MTMR11: variants seen among roughly 807,000 people sequenced by gnomAD.
The protein encoded by MTMR11 is myotubularin-related protein 11.
Under a neutral mutation model 100.0 loss-of-function variants are expected in MTMR11, and 89 were observed. The ratio of observed to expected loss-of-function variants is 0.89; its 90% CI spans 0.75 to 1.06. The LOEUF (loss-of-function observed/expected upper bound fraction) is 1.06, where lower values mean the gene tolerates loss of function less well. MTMR11 is among the 50% of genes least tolerant of loss of function. MTMR11 has a pLI of 0.00. For missense variants in MTMR11, 809 were observed against 873.7 expected (o/e 0.93, Z 0.93); for synonymous variants, 336 against 326.3 (o/e 1.03, Z -0.32).
intron 15 of MTMR11, 186 bp downstream of exon 15, chr1:149,930,179 C>T (rs2092640023): frequency 7.2e-6 from 5 of 693,726 alleles, no homozygotes; most frequent in South Asian, 2.0e-5. Context: ...AAAAAGGGTG[C>T]CCTCTGTGCT....
Position 149,928,754 on chromosome 1 carries a change from A to G in MTMR11, c.*375T>C. 1 of 1,062,860 alleles carries G rather than the reference A, an allele frequency of 9.4e-7. No individual in the cohort carries two copies. Among genetic ancestry groups the G allele is most frequent in the Non-Finnish European group, 1.4e-6 (1 of 696,602 alleles). 65.8% of individuals were successfully genotyped at this position (1,062,860 alleles called of 1,614,324 possible). On this transcript the variant is annotated 3_prime_UTR_variant, in exon 17 of 17. Transcript: ENST00000439741. ...CTGTATCCGCCTCATTCCCATAGAA[A>G]ACTATAAGGGAAGAAATAGAACTTG... is the stretch of plus-strand genomic sequence containing the variant.
chr1:149,934,951 G>T, intron 5 of MTMR11, 35 bp downstream of exon 5: 3 of 1,609,242 alleles, frequency 1.9e-6, no homozygotes, highest in Non-Finnish European at 2.5e-6. Context: ...AAGGTTCTGA[G>T]GTGAGGAGAA....
At position 149,929,147 on chromosome 1, in the gene MTMR11, T is replaced by C; in HGVS notation, c.2112A>G (p.Ala704=). 1 of 1,613,512 alleles carries C rather than the reference T, an allele frequency of 6.2e-7. No homozygotes were observed. The highest frequency in any genetic ancestry group is 8.5e-7 in the Non-Finnish European group (1 of 1,179,640). ...CCCTCCTCTACCCCAGATCCCCCTC[T>C]GCCCTGCCTTTGAGAATGCCAGCAA... The part of the protein sequence containing the change: ...TEIAGILKGR[A]EGDLG The change falls in exon 17 of 17, where the codon GCA becomes GCG. Residue 704 remains alanine (A), a synonymous_variant. Coordinates refer to ENST00000439741, the MANE Select transcript of MTMR11 (RefSeq NM_001145862.2).
At chr1:149,935,497 C>G in intron 3 of MTMR11, 87 bp downstream of exon 3, 1 of 1,586,100 alleles carries the variant, frequency 6.3e-7, no homozygotes, top group Non-Finnish European at 8.6e-7. Context: ...AAAGACAGCC[C>G]TTAACCCATA....
Position 149,936,731 on chromosome 1 carries a change from T to C in MTMR11, c.-84A>G, listed in dbSNP as rs1559812263. Reference sequence around the variant, plus strand: ...CCCACCTCGGGGAGAGGCTGAGTCTTGTTGAGAAGAGGGGTGTTAGGGAGA... The same window carrying C: ...CCCACCTCGGGGAGAGGCTGAGTCTCGTTGAGAAGAGGGGTGTTAGGGAGA... On this transcript the variant is annotated 5_prime_UTR_variant, in exon 1 of 17. Transcript: ENST00000439741. 1.3e-5 allele frequency: 12 copies of C among 921,414 alleles called. 1 individual carries two copies. 57.1% of individuals were successfully genotyped at this position (921,414 alleles called of 1,614,324 possible). A position where few individuals can be genotyped will look rare whatever the true frequency, so the allele number is the denominator to read the frequency against.
rs781839399 is a variant in MTMR11 at position 149,934,462 on chromosome 1, G to T, written c.533C>A (p.Thr178Asn). 5 of 1,614,194 alleles carry T rather than the reference G, an allele frequency of 3.1e-6. No individual in the cohort carries two copies. The South Asian group carries it at 3.3e-5, about 11-fold the overall frequency. Residue 178 changes from threonine (T) to asparagine (N), a missense_variant, in exon 6 of 17, where the codon ACC (threonine) becomes AAC (asparagine). Transcript: ENST00000439741. ...CTCTCACTCACCAGCCTTGCTCAGGGTTATCCCCGAATACTGTTGGGCTTG... is the reference window on the plus strand; with the variant it reads ...CTCTCACTCACCAGCCTTGCTCAGGTTTATCCCCGAATACTGTTGGGCTTG... The part of the protein sequence containing the change: ...SNQAQQYSGI[T>N]LSKAGQGSGS...
chr1:149,929,983 C>T, intron 15 of MTMR11, 67 bp from the exon 16 acceptor site: 2 of 1,509,850 alleles, frequency 1.3e-6, no homozygotes, highest in Non-Finnish European at 1.8e-6. Flanking sequence ...CAATCTGGAT[C>T]AGGACAGGGT....
At position 149,936,213 on chromosome 1, in the gene MTMR11, C is replaced by T; in HGVS notation, c.83G>A (p.Arg28Lys). ...CTGACGACTCCTGGGCTCCGGCATC[C>T]TATTTTCCTGGACAGACTTTGGTCC... The part of the protein sequence containing the change: ...EPEMGSVQEN[R>K]MPEPRSRQPS... Residue 28 changes from arginine to lysine, a missense_variant, in exon 2 of 17, where the codon AGG becomes AAG. Physicochemically the swap from Arg to Lys is conservative, Grantham distance 26. Transcript: ENST00000439741. 6.2e-7 allele frequency: 1 copy of T among 1,613,974 alleles called. No individual in the cohort carries two copies.
Position 149,929,709 on chromosome 1 carries a change from G to T in MTMR11, c.1855C>A (p.Pro619Thr). ...LPSHWGACPL[P>T]PGLLLPGYLG... ...TACCCAGGCAGCAGCAGCCCTGGAG[G>T]TAAAGGGCAAGCTCCCCAATGTGAG... The change falls in exon 16 of 17, where the codon CCT becomes ACT. Residue 619 changes from proline (P) to threonine (T), a missense_variant. Transcript: ENST00000439741. The T allele has an allele frequency of 1.2e-6, 2 of 1,614,188 alleles. No individual in the cohort carries two copies. The highest frequency in any genetic ancestry group is 1.7e-6 in the Non-Finnish European group (2 of 1,180,030).
rs782092134 is a variant in MTMR11, at chr1:149,930,560, A to G, written c.1465-13T>C. ...TATAGGAGTTTAACTGGACAGAGGA[A>G]GCAAGAAAAAGGATGGTTACACACA... On this transcript the variant is annotated splice_polypyrimidine_tract_variant and intron_variant, in intron 14 of 16. Transcript: ENST00000439741. The G allele has an allele frequency of 6.3e-6, 10 of 1,598,008 alleles. No homozygotes were observed. The highest frequency in any genetic ancestry group is 8.5e-6 in the Non-Finnish European group (10 of 1,169,620).
In MTMR11 at chr1:149,929,653, G is replaced by A. The variant is rs1553766941; in HGVS notation, c.1911C>T (p.Arg637=). 2 of 1,613,426 alleles carry A rather than the reference G, an allele frequency of 1.2e-6. No individual in the cohort carries two copies. Among genetic ancestry groups the A allele is most frequent in the South Asian group, 1.1e-5 (1 of 91,042 alleles). ...CCTCAGGCCTTCCCCTCAGGTAGCA[G>A]CGTCTCCAGAGCCTGATCTGGGGTC... ...YLGPQIRLWR[R]CYLRGRPEVQ... is the part of the protein sequence containing the mutation. The change falls in exon 16 of 17, where the codon CGC becomes CGT. Residue 637 remains arginine (R), a synonymous_variant. Coordinates refer to ENST00000439741, the MANE Select transcript of MTMR11 (RefSeq NM_001145862.2).
chr1:149,935,409 C>T, intron 3 of MTMR11, 50 bp from the exon 4 acceptor site: 1 of 1,606,002 alleles, frequency 6.2e-7, no homozygotes, highest in Non-Finnish European at 8.5e-7. Context: ...CCTCATTTTC[C>T]TACCCTGGCA....
At position 149,935,469 on chromosome 1, in the gene MTMR11, T is replaced by C. The variant is rs1295561085; in HGVS notation, c.265-110A>G. 2.5e-6 allele frequency: 4 copies of C among 1,573,972 alleles called. No homozygotes were observed. In the African/African-American group the frequency reaches 4.1e-5, roughly 16 times the overall value. ...CAACCCTAGAGAGAGTTCCCACTGA[T>C]TATCAATGATACATTCAAAAGACAG... is the stretch of plus-strand genomic sequence containing the variant. On this transcript the variant is annotated intron_variant, in intron 3 of 16. Transcript: ENST00000439741.
chr1:149,930,266 C>T, intron 15 of MTMR11, 99 bp downstream of exon 15: 1 of 1,268,938 alleles, frequency 7.9e-7, no homozygotes, highest in Non-Finnish European at 1.1e-6. Context: ...GAGTAGCTTT[C>T]CCTAAGGAAC....
At chr1:149,935,769 C>A in intron 2 of MTMR11, 64 bp from the exon 3 acceptor site, 2 of 1,488,096 alleles carry the variant, frequency 1.3e-6, no homozygotes, top group East Asian at 2.5e-5. Flanking sequence ...TTGGATACAC[C>A]CACCCCTCCA....
In MTMR11 at chr1:149,928,798, G is replaced by T; in HGVS notation, c.*331C>A. The T allele has an allele frequency of 7.0e-7, 1 of 1,428,694 alleles. No homozygotes were observed. The highest frequency in any genetic ancestry group is 9.9e-7 in the Non-Finnish European group (1 of 1,012,460). The allele number at this position is 1,428,694 out of a possible 1,614,324, so 88.5% of individuals were successfully genotyped here. A position where few individuals can be genotyped will look rare whatever the true frequency, so the allele number is the denominator to read the frequency against. On this transcript the variant is annotated 3_prime_UTR_variant, in exon 17 of 17. Transcript: ENST00000439741. ...GAACTTGGAATTAAAGCAGCAGCAAGGCGAGGTGAGAATGCGATTTCTAGG... is the reference window on the plus strand; with the variant it reads ...GAACTTGGAATTAAAGCAGCAGCAATGCGAGGTGAGAATGCGATTTCTAGG...
rs1397763876 is a variant in MTMR11 at position 149,936,715 on chromosome 1, G to A, written c.-68C>T. 4 of 1,058,466 alleles carry A rather than the reference G, an allele frequency of 3.8e-6. No individual in the cohort carries two copies. In the African/African-American group the frequency reaches 4.7e-5, roughly 12 times the overall value. 65.6% of individuals were successfully genotyped at this position (1,058,466 alleles called of 1,614,324 possible). On this transcript the variant is annotated 5_prime_UTR_variant, in exon 1 of 17. Coordinates refer to ENST00000439741, the MANE Select transcript of MTMR11 (RefSeq NM_001145862.2). ...ACCTCAAGGATGCTCACCCACCTCG[G>A]GGAGAGGCTGAGTCTTGTTGAGAAG...
Position 149,933,696 on chromosome 1 carries a change from G to A in MTMR11, c.774C>T (p.Arg258=). 2.5e-6 allele frequency: 4 copies of A among 1,614,144 alleles called. No individual in the cohort carries two copies. Among genetic ancestry groups the A allele is most frequent in the Non-Finnish European group, 2.5e-6 (3 of 1,180,026 alleles). ...FGHFHQGRGP[R]LSWHHPGGSD... ...TGCCCCCAGGGTGATGCCAGGACAA[G>A]CGCTTCACATGGGGCAGAAGAGGGT... Residue 258 remains arginine (R), a splice_region_variant and synonymous_variant, in exon 9 of 17, where the codon CGC becomes CGT. Transcript: ENST00000439741.
chr1:149,934,564 CTGAG>C (rs1439312417), intron 5 of MTMR11, 38 bp from the exon 6 acceptor site: 1 of 1,595,618 alleles, frequency 6.3e-7, no homozygotes, highest in South Asian at 1.1e-5. Context: ...TTGGCTTAGG[CTGAG>C]TAAGTGAAAA....
Sources: allele counts gnomAD v4.1 joint callset, GRCh38; gene constraint gnomAD v4.1.1; transcripts MANE v1.5; gene names NCBI Gene and HGNC (gene_info 2026-07-23, HGNC 2026-07-21).